PACS1: variants seen among roughly 807,000 people sequenced by gnomAD.
The protein encoded by PACS1 is PACS-1.
Under a neutral mutation model 115.0 loss-of-function variants are expected in PACS1, and 24 were observed. The ratio of observed to expected loss-of-function variants is 0.21; its 90% CI spans 0.15 to 0.29. The LOEUF is 0.29. Among genes scored for constraint, PACS1 ranks in the 10% least tolerant of loss-of-function variants. PACS1 has a pLI of 1.00. For synonymous variants in PACS1, 453 were observed against 504.5 expected, an observed-to-expected ratio of 0.90 and a Z score of 1.37; for missense variants, 838 against 1,251.2, an observed-to-expected ratio of 0.67 and a Z score of 4.98.
chr11:66,133,446 C>G (rs1027215891), intron 1 of PACS1, among the ~76,000 whole-genome samples: 24 of 152,166 alleles, frequency 1.6e-4, no homozygotes, highest in African/African-American at 5.8e-4. Flanking sequence ...TCTTGCCAAC[C>G]TCGATGCAGG....
intron 4 of PACS1, among the ~76,000 whole-genome samples, chr11:66,213,762 A>G (rs1201970157): frequency 3.9e-5 from 6 of 152,226 alleles, no homozygotes; most frequent in Non-Finnish European, 8.8e-5. Context: ...GGCTGGGCGC[A>G]GTGGCTTACG....
rs920270215 is a variant in PACS1 at position 66,137,291 on chromosome 11, T to C, written c.357-56195T>C. Among the ~76,000 whole-genome samples the C allele has an allele frequency of 5.9e-5, 9 of 152,092 alleles. No individual in the cohort carries two copies. The South Asian group carries it at 1.9e-3, about 32-fold the overall frequency. ...GTGTGTGTGTGTGTACTTAAATCTT[T>C]TATGCATCTAGAATTTATTTTAAGA... On this transcript the variant is annotated intron_variant, in intron 1 of 23. Coordinates refer to ENST00000320580, the MANE Select transcript of PACS1 (RefSeq NM_018026.4).
intron 19 of PACS1, chr11:66,238,440 T>G: frequency 1.6e-6 from 1 of 641,180 alleles, no homozygotes; most frequent in South Asian, 5.0e-5. Flanking sequence ...TTTTTGTTTG[T>G]TTGTTTCTAC....
intron 1 of PACS1, among the ~76,000 whole-genome samples, chr11:66,188,033 T>C (rs996878819): frequency 3.3e-5 from 5 of 152,188 alleles, no homozygotes; most frequent in African/African-American, 1.2e-4. Flanking sequence ...TACCTCATTG[T>C]GGTTTCGATT....
chr11:66,216,858 G>A (rs1464696425), intron 7 of PACS1, 83 bp downstream of exon 7: 3 of 880,272 alleles, frequency 3.4e-6, no homozygotes. Context: ...AGGCCTAGTG[G>A]AGACTTCTTA....
intron 1 of PACS1, among the ~76,000 whole-genome samples, chr11:66,108,799 GAGAA>G (rs757922720): frequency 1.1e-4 from 16 of 151,874 alleles, no homozygotes; most frequent in East Asian, 3.9e-4. Context: ...GAGAGAGAAA[GAGAA>G]AGAAAGAAAG....
In PACS1 at chr11:66,233,855, T is replaced by C. The variant is rs1445077140; in HGVS notation, c.1909T>C (p.Ser637Pro). 3 of 1,611,166 alleles carry C rather than the reference T, an allele frequency of 1.9e-6. No individual in the cohort carries two copies. The highest frequency in any genetic ancestry group is 2.5e-6 in the Non-Finnish European group (3 of 1,178,502). ...AAVGGQSYLS[S>P]ILRFFVKSLA... is the part of the protein sequence containing the mutation. The stretch of plus-strand genomic sequence containing the variant: ...TGTGGGAGGCCAGAGCTACCTGAGC[T>C]CCATCCTCAGGTTCTTTGTCAAGTC... The change falls in exon 16 of 24, where the codon TCC (serine) becomes CCC (proline). Residue 637 changes from serine to proline, a missense_variant. By Grantham distance (74) the Ser-to-Pro change is moderately conservative. Around this residue, in one of 6 missense-constraint regions of PACS1, gnomAD observed 383 missense variants for 537.0 expected, o/e 0.71. Transcript: ENST00000320580. The surrounding 1 kb of genome is among the most constrained non-coding windows in gnomAD (Gnocchi z 4.5).
chr11:66,106,542 G>A (rs757843228), intron 1 of PACS1, among the ~76,000 whole-genome samples: 7 of 152,102 alleles, frequency 4.6e-5, no homozygotes, highest in Non-Finnish European at 8.8e-5. Flanking sequence ...ACTCCAGCCT[G>A]GGTGACAGAA....
chr11:66,231,510 T>A (rs887200206), intron 13 of PACS1, among the ~76,000 whole-genome samples: 1 of 152,182 alleles, frequency 6.6e-6, no homozygotes, highest in African/African-American at 2.4e-5. Flanking sequence ...GGACAGGGAT[T>A]TTCCCGGCAC....
In PACS1 at chr11:66,243,412, T is replaced by C. The variant is rs1225575545; in HGVS notation, c.*132T>C. The C allele has an allele frequency of 1.7e-5, 11 of 652,626 alleles. No homozygotes were observed. The East Asian group carries it at 2.5e-4, about 15-fold the overall frequency. 40.4% of individuals were successfully genotyped at this position (652,626 alleles called of 1,614,324 possible). Reference sequence around the variant, plus strand: ...AGGGTCTGCCTCTCACTCGCCCAGGTCCCGAAGGACACTGCCACAGGGACG... The same window carrying C: ...AGGGTCTGCCTCTCACTCGCCCAGGCCCCGAAGGACACTGCCACAGGGACG... On this transcript the variant is annotated 3_prime_UTR_variant, in exon 24 of 24. Coordinates refer to ENST00000320580, the MANE Select transcript of PACS1 (RefSeq NM_018026.4).
intron 19 of PACS1, chr11:66,238,508 T>G (rs1855747344): frequency 1.0e-5 from 3 of 295,790 alleles, no homozygotes; most frequent in Non-Finnish European, 1.7e-5. Flanking sequence ...TTTGATGTAT[T>G]TATTTATTTT....
At chr11:66,201,851 G>T (rs1296496288) in intron 2 of PACS1, among the ~76,000 whole-genome samples, 1 of 152,034 alleles carries the variant, frequency 6.6e-6, no homozygotes, top group African/African-American at 2.4e-5. Flanking sequence ...TAGAGACGAG[G>T]TTTCACCTTA....
chr11:66,138,219 G>C (rs1858893598), intron 1 of PACS1, among the ~76,000 whole-genome samples: 1 of 151,954 alleles, frequency 6.6e-6, no homozygotes, highest in African/African-American at 2.4e-5. Flanking sequence ...AGCCTTCTTA[G>C]TAGATAGGAC....
chr11:66,224,967 C>T (rs111938768), intron 10 of PACS1, among the ~76,000 whole-genome samples: 39 of 152,264 alleles, frequency 2.6e-4, no homozygotes, highest in African/African-American at 8.2e-4. Flanking sequence ...TCTCCTGATA[C>T]GAATTATTCC....
chr11:66,178,150 A>G (rs1438144172), intron 1 of PACS1, among the ~76,000 whole-genome samples: 1 of 150,170 alleles, frequency 6.7e-6, no homozygotes, highest in Admixed American at 6.6e-5. Context: ...CAAACACCCA[A>G]TAACCTACCA....
chr11:66,227,318 TC>T (rs1855486715), intron 10 of PACS1, among the ~76,000 whole-genome samples, 185 bp from the exon 11 acceptor site: 2 of 152,008 alleles, frequency 1.3e-5, no homozygotes, highest in Admixed American at 1.3e-4. Context: ...AGATAACTGA[TC>T]CCTCCAAAAC....
chr11:66,114,512 T>G (rs560945880), intron 1 of PACS1, among the ~76,000 whole-genome samples: 1 of 152,116 alleles, frequency 6.6e-6, no homozygotes, highest in East Asian at 1.9e-4. Flanking sequence ...TGCCATAGAA[T>G]AGAGAAAACA....
chr11:66,222,148 C>G (rs1039082703), intron 10 of PACS1, among the ~76,000 whole-genome samples: 3 of 152,110 alleles, frequency 2.0e-5, no homozygotes, highest in Non-Finnish European at 2.9e-5. Context: ...CGTGTCTGTT[C>G]TGTGGTAGCT....
rs554947010 is a variant in PACS1, at chr11:66,199,697, A to C, written c.444+6124A>C. Among the ~76,000 whole-genome samples, 178 of 152,318 alleles carry C rather than the reference A, an allele frequency of 1.2e-3. 1 individual carries two copies. Among genetic ancestry groups the C allele is most frequent in the Non-Finnish European group, 2.2e-3 (149 of 68,036 alleles). ...TGTAAATGGACAAAATTCTGCAATCAAAAGACGTGGAGTAGTTGAATGCAT... is the reference window on the plus strand; with the variant it reads ...TGTAAATGGACAAAATTCTGCAATCCAAAGACGTGGAGTAGTTGAATGCAT... On this transcript the variant is annotated intron_variant, in intron 2 of 23. Coordinates refer to ENST00000320580, the MANE Select transcript of PACS1 (RefSeq NM_018026.4).
Sources: allele counts gnomAD v4.1 joint callset (sites outside exome capture counted in the v4.1 genomes callset), GRCh38; gene constraint gnomAD v4.1.1; regional missense constraint gnomAD v4.1.1; non-coding constraint Gnocchi (gnomAD v3.1); transcripts MANE v1.5; gene names NCBI Gene and HGNC (gene_info 2026-07-23, HGNC 2026-07-21).